RBFOX1: variants seen among roughly 807,000 people sequenced by gnomAD.
RBFOX1 encodes the protein RNA binding fox-1 homolog 1.
A neutral mutation model predicts 57.7 loss-of-function variants in RBFOX1; 8 were observed. The ratio of observed to expected loss-of-function variants is 0.14; its 90% CI spans 0.08 to 0.25. The LOEUF (loss-of-function observed/expected upper bound fraction) is 0.25, where lower values mean the gene tolerates loss of function less well. Among genes scored for constraint, RBFOX1 ranks in the 10% least tolerant of loss-of-function variants. The pLI, the probability that RBFOX1 is intolerant of heterozygous loss-of-function variation, is 1.00. For synonymous variants in RBFOX1, 326 were observed against 222.4 expected (o/e 1.47, Z -4.15); for missense variants, 611 against 548.5 (o/e 1.11, Z -1.14).
At chr16:5,262,905 G>T (rs1416648460) in intron 1 of RBFOX1, among the ~76,000 whole-genome samples, 2 of 152,192 alleles carry the variant, frequency 1.3e-5, no homozygotes, top group Non-Finnish European at 2.9e-5. Context: ...ACTGAAGGGG[G>T]CATCAAAGGG....
intron 2 of RBFOX1, among the ~76,000 whole-genome samples, chr16:6,623,455 TTA>T (rs1208880500): frequency 4.1e-5 from 6 of 145,302 alleles, no homozygotes; most frequent in East Asian, 4.1e-4. Context: ...TTTTTTTTTT[TTA>T]TTATACTTTA....
At chr16:6,584,604 A>C (rs1297553506) in intron 2 of RBFOX1, among the ~76,000 whole-genome samples, 4 of 151,844 alleles carry the variant, frequency 2.6e-5, no homozygotes, top group Admixed American at 6.6e-5. Context: ...CCTCACCTCA[A>C]ATGATCCACC....
intron 4 of RBFOX1, among the ~76,000 whole-genome samples, chr16:7,241,647 G>A (rs1427071507): frequency 1.3e-5 from 2 of 151,898 alleles, no homozygotes; most frequent in African/African-American, 4.8e-5. Context: ...CTTTATGTTG[G>A]TCATATTTTC....
chr16:5,373,189 T>C (rs899180403), intron 1 of RBFOX1, among the ~76,000 whole-genome samples: 2 of 152,090 alleles, frequency 1.3e-5, no homozygotes, highest in Non-Finnish European at 2.9e-5. Flanking sequence ...CAGCATTCCT[T>C]GTGGGAGTTT....
intron 4 of RBFOX1, among the ~76,000 whole-genome samples, chr16:7,314,263 C>T (rs2142858634): frequency 6.6e-6 from 1 of 152,258 alleles, no homozygotes; most frequent in Admixed American, 6.5e-5. Flanking sequence ...CTGCCCGGCA[C>T]CGTATTAATG....
chr16:7,144,302 A>G (rs1218746552), intron 4 of RBFOX1, among the ~76,000 whole-genome samples: 1 of 152,096 alleles, frequency 6.6e-6, no homozygotes, highest in Non-Finnish European at 1.5e-5. Context: ...ATGCACAAAG[A>G]TAACACCATT....
At chr16:7,135,484 T>C (rs2071664557) in intron 4 of RBFOX1, among the ~76,000 whole-genome samples, 1 of 152,246 alleles carries the variant, frequency 6.6e-6, no homozygotes, top group Admixed American at 6.5e-5. Context: ...GATCCGTGAA[T>C]ACTAAGGGGT....
At chr16:7,089,227 C>G (rs1393047444) in intron 4 of RBFOX1, among the ~76,000 whole-genome samples, 2 of 152,168 alleles carry the variant, frequency 1.3e-5, no homozygotes, top group African/African-American at 4.8e-5. Context: ...GGCAAGTTTT[C>G]TCTTCGAGCT....
chr16:6,025,771 A>G (rs1328923524), intron 1 of RBFOX1, among the ~76,000 whole-genome samples: 2 of 152,202 alleles, frequency 1.3e-5, no homozygotes, highest in Admixed American at 1.3e-4. Context: ...TTCAGAGGCT[A>G]CCCTGCCCTT....
chr16:7,489,627 A>G (rs1365813170), intron 4 of RBFOX1, among the ~76,000 whole-genome samples: 1 of 151,780 alleles, frequency 6.6e-6, no homozygotes, highest in Non-Finnish European at 1.5e-5. Flanking sequence ...GAAATCCTCC[A>G]ACGTCAGTCT....
chr16:6,185,248 C>G (rs984220213), intron 1 of RBFOX1, among the ~76,000 whole-genome samples: 5 of 152,178 alleles, frequency 3.3e-5, no homozygotes, highest in African/African-American at 1.2e-4. Context: ...CTCTCTTTCT[C>G]TGATTTCCTT....
chr16:7,297,787 C>T (rs148263771), intron 4 of RBFOX1, among the ~76,000 whole-genome samples: 333 of 152,158 alleles, frequency 2.2e-3, no homozygotes, highest in African/African-American at 7.0e-3. Context: ...AAAATCTAAG[C>T]GACATAAATC....
At chr16:6,465,327 C>T (rs139161930) in intron 2 of RBFOX1, among the ~76,000 whole-genome samples, 39 of 152,260 alleles carry the variant, frequency 2.6e-4, no homozygotes, top group African/African-American at 8.7e-4. Context: ...CGTGTACCTT[C>T]GTAAAGAATA....
intron 3 of RBFOX1, among the ~76,000 whole-genome samples, chr16:6,689,881 T>G (rs1200264170): frequency 1.3e-5 from 2 of 152,226 alleles, no homozygotes; most frequent in African/African-American, 2.4e-5. Flanking sequence ...GGTTTCCTTT[T>G]GTTTCATGCT....
intron 1 of RBFOX1, among the ~76,000 whole-genome samples, chr16:6,043,202 G>A (rs1164506612): frequency 6.9e-6 from 1 of 145,454 alleles, no homozygotes; most frequent in African/African-American, 2.5e-5. Flanking sequence ...TGTTACGTAG[G>A]TTAAGCTTTC....
Position 7,139,975 on chromosome 16 carries a change from A to G in RBFOX1, c.27+87877A>G, listed in dbSNP as rs11863215. Among the ~76,000 whole-genome samples the G allele has an allele frequency of 6.1e-3, 930 of 152,236 alleles. 16 individuals are homozygous for G. The highest frequency in any genetic ancestry group is 0.022 in the African/African-American group (902 of 41,548). The stretch of plus-strand genomic sequence containing the variant: ...GACATGAGTTTTAGTTGCTGACTTG[A>G]TATCCAAGTCAAGACTGCAGTGGAT... On this transcript the variant is annotated intron_variant, in intron 4 of 15. Transcript: ENST00000550418.
intron 3 of RBFOX1, among the ~76,000 whole-genome samples, chr16:7,047,424 T>G (rs925082271): frequency 1.3e-5 from 2 of 152,148 alleles, no homozygotes; most frequent in African/African-American, 4.8e-5. Flanking sequence ...AAATCCATAG[T>G]TCTTTGAATT....
chr16:6,772,178 A>T (rs1053428408), intron 3 of RBFOX1, among the ~76,000 whole-genome samples: 1 of 152,014 alleles, frequency 6.6e-6, no homozygotes. Flanking sequence ...AAGAGGAATG[A>T]ATGATTGATG....
intron 3 of RBFOX1, among the ~76,000 whole-genome samples, chr16:5,750,786 G>A (rs1478650452): frequency 6.6e-6 from 1 of 152,218 alleles, no homozygotes; most frequent in Admixed American, 6.5e-5. Context: ...GGCTAGGAAA[G>A]GGAATTCCCT....
Sources: allele counts gnomAD v4.1 joint callset (sites outside exome capture counted in the v4.1 genomes callset), GRCh38; gene constraint gnomAD v4.1.1; transcripts MANE v1.5; gene names NCBI Gene and HGNC (gene_info 2026-07-23, HGNC 2026-07-21).